The following GLDC variants were observed in gnomAD, a reference collection of about 807,000 sequenced individuals.
GLDC encodes glycine dehydrogenase (decarboxylating), mitochondrial.
In GLDC, 104 loss-of-function variants were observed where a neutral mutation model predicts 121.3. The ratio of observed to expected loss-of-function variants is 0.86; its 90% CI spans 0.73 to 1.01. The LOEUF (loss-of-function observed/expected upper bound fraction) is 1.01, where lower values mean the gene tolerates loss of function less well. Among genes scored for constraint, GLDC ranks in the 50% least tolerant of loss-of-function variants. The probability of loss-of-function intolerance (pLI) is 0.00; values close to 1 mark genes in which losing one functional copy is unlikely to be tolerated. For missense variants in GLDC, 1,429 were observed against 1,306.6 expected (o/e 1.09, Z -1.44); for synonymous variants, 546 against 480.6 (o/e 1.14, Z -1.78).
chr9:6,639,223 T>C, intron 2 of GLDC: 1 of 899,414 alleles, frequency 1.1e-6, no homozygotes, highest in South Asian at 1.3e-5. Flanking sequence ...AAGAAGGCAG[T>C]GTTGAAAGGT....
intron 2 of GLDC, among the ~76,000 whole-genome samples, chr9:6,622,322 G>A (rs182419934): frequency 6.7e-6 from 1 of 150,234 alleles, no homozygotes; most frequent in Non-Finnish European, 1.5e-5. Context: ...CTGCCATCTT[G>A]GCTCACTGCA....
intron 7 of GLDC, among the ~76,000 whole-genome samples, chr9:6,603,793 G>A (rs1399904193): frequency 6.7e-6 from 1 of 149,128 alleles, no homozygotes; most frequent in Non-Finnish European, 1.5e-5. Context: ...GAGGCAGCGC[G>A]ATCTCGGCTC....
At chr9:6,554,003 A>T (rs1259515995) in intron 19 of GLDC, among the ~76,000 whole-genome samples, 1 of 152,176 alleles carries the variant, frequency 6.6e-6, no homozygotes, top group East Asian at 1.9e-4. Context: ...AAAAAAAACA[A>T]GAAAGAAGAA....
At chr9:6,562,538 A>T (rs1165507510) in intron 16 of GLDC, among the ~76,000 whole-genome samples, 2 of 152,162 alleles carry the variant, frequency 1.3e-5, no homozygotes, top group Non-Finnish European at 2.9e-5. Flanking sequence ...TTTCTTCTCT[A>T]ACTAAGAAAG....
chr9:6,621,806 G>A (rs1176297818), intron 2 of GLDC, among the ~76,000 whole-genome samples: 4 of 152,120 alleles, frequency 2.6e-5, no homozygotes, highest in Admixed American at 6.5e-5. Flanking sequence ...GTGAGCCACC[G>A]CGCCCTGCCA....
intron 3 of GLDC, among the ~76,000 whole-genome samples, chr9:6,619,315 G>A (rs939425879): frequency 1.3e-5 from 2 of 152,102 alleles, no homozygotes; most frequent in Non-Finnish European, 2.9e-5. Context: ...TCTAGAAAGT[G>A]CTAGCAATAA....
At chr9:6,625,692 T>C (rs1256088296) in intron 2 of GLDC, among the ~76,000 whole-genome samples, 1 of 152,184 alleles carries the variant, frequency 6.6e-6, no homozygotes, top group Non-Finnish European at 1.5e-5. Flanking sequence ...TTGATTTTGC[T>C]TGTAGACTTT....
At chr9:6,555,067 C>T in intron 18 of GLDC, 1 of 487,244 alleles carries the variant, frequency 2.1e-6, no homozygotes, top group Non-Finnish European at 3.8e-6. Flanking sequence ...TCCTAATTAT[C>T]CACACACCAC....
At chr9:6,632,992 G>A (rs898589074) in intron 2 of GLDC, among the ~76,000 whole-genome samples, 2 of 151,846 alleles carry the variant, frequency 1.3e-5, no homozygotes, top group African/African-American at 2.4e-5. Flanking sequence ...CCTGCAGACC[G>A]ATCAAGGGTC....
chr9:6,540,927 T>G (rs960477377), intron 21 of GLDC: 3 of 151,936 alleles, frequency 2.0e-5, no homozygotes, highest in Admixed American at 6.6e-5. Context: ...GAGGCTGAGG[T>G]GGGCAGATCG....
At position 6,592,884 on chromosome 9, in the gene GLDC, C is replaced by T. The variant is rs1359752871; in HGVS notation, c.1368G>A (p.Arg456=). 1 of 1,613,842 alleles carries T rather than the reference C, an allele frequency of 6.2e-7. No homozygotes were observed. The highest frequency in any genetic ancestry group is 8.5e-7 in the Non-Finnish European group (1 of 1,179,916). The change falls in exon 10 of 25, where the codon CGG becomes CGA. Residue 456 remains arginine (R), a synonymous_variant. Coordinates refer to ENST00000321612, the MANE Select transcript of GLDC (RefSeq NM_000170.3). ...VKEVLGRAAQ[R]QINFRLFEDG... is the part of the protein sequence containing the mutation. ...CCTCAAAAAGCCGAAAATTGATCTG[C>T]CGCTGAGCGGCCCTGCCCAAGACCT...
chr9:6,603,735 T>C (rs980490016), intron 7 of GLDC, among the ~76,000 whole-genome samples: 2 of 138,380 alleles, frequency 1.4e-5, no homozygotes, highest in South Asian at 4.2e-4. Flanking sequence ...TCCTTTTTTT[T>C]CTTTTTTTTT....
chr9:6,631,542 A>C (rs1205525256), intron 2 of GLDC, among the ~76,000 whole-genome samples: 1 of 152,230 alleles, frequency 6.6e-6, no homozygotes, highest in Non-Finnish European at 1.5e-5. Context: ...ACAGAGAAAC[A>C]TTGCAATTCA....
At chr9:6,611,426 CGT>C (rs1289103713) in intron 3 of GLDC, among the ~76,000 whole-genome samples, 3 of 151,844 alleles carry the variant, frequency 2.0e-5, no homozygotes, top group Non-Finnish European at 4.4e-5. Flanking sequence ...CGTGGTGGCA[CGT>C]GCCTGTAGTC....
intron 17 of GLDC, 139 bp from the exon 18 acceptor site, chr9:6,556,441 T>TCA: frequency 1.4e-6 from 1 of 702,898 alleles, no homozygotes. Flanking sequence ...CAAAGTACAA[T>TCA]GACAGCAATA....
intron 20 of GLDC, among the ~76,000 whole-genome samples, chr9:6,552,676 G>T (rs1337635644): frequency 6.6e-6 from 1 of 152,190 alleles, no homozygotes; most frequent in Non-Finnish European, 1.5e-5. Context: ...GCTTTGGGGA[G>T]ACTGCTCTAA....
chr9:6,608,751 A>C (rs892267968), intron 4 of GLDC, among the ~76,000 whole-genome samples: 1 of 151,848 alleles, frequency 6.6e-6, no homozygotes, highest in Non-Finnish European at 1.5e-5. Flanking sequence ...GTCTCAAATA[A>C]ATAAATAAAT....
intron 3 of GLDC, among the ~76,000 whole-genome samples, chr9:6,611,484 G>A (rs561154660): frequency 3.9e-5 from 6 of 152,054 alleles, no homozygotes; most frequent in Non-Finnish European, 8.8e-5. Context: ...TGAACCCGCG[G>A]GGCGGAGGTT....
At chr9:6,534,675 C>T in intron 24 of GLDC, 33 bp downstream of exon 24, 1 of 1,204,548 alleles carries the variant, frequency 8.3e-7, no homozygotes, top group South Asian at 1.2e-5. Context: ...CCCATGCCTT[C>T]CCAGCTGGCA....
Sources: gnomAD v4.1 joint callset for allele counts (sites outside exome capture counted in the v4.1 genomes callset) on GRCh38, gnomAD v4.1.1 for gene constraint, MANE v1.5 for transcripts, NCBI Gene and HGNC (gene_info 2026-07-23, HGNC 2026-07-21) for gene names.